The following ANXA6 variants were observed in gnomAD, a reference collection of about 807,000 sequenced individuals.
ANXA6 encodes annexin A6.
Under a neutral mutation model 95.4 loss-of-function variants are expected in ANXA6, and 71 were observed. The ratio of observed to expected loss-of-function variants is 0.74; its 90% CI spans 0.61 to 0.91. The LOEUF (loss-of-function observed/expected upper bound fraction) is 0.91. Among genes scored for constraint, ANXA6 ranks in the 40% least tolerant of loss-of-function variants. ANXA6 has a pLI of 0.00. For synonymous variants in ANXA6, 289 were observed against 315.9 expected (o/e 0.91, Z 0.90); for missense variants, 830 against 876.4 (o/e 0.95, Z 0.67).
At chr5:151,103,265 G>A (rs1764598432) in intron 25 of ANXA6, among the ~76,000 whole-genome samples, 2 of 152,188 alleles carry the variant, frequency 1.3e-5, no homozygotes, top group South Asian at 2.1e-4. Context: ...CCAACGTGCT[G>A]TGATTACAGG....
At chr5:151,103,467 G>T in intron 25 of ANXA6, 103 bp downstream of exon 25, 1 of 1,174,220 alleles carries the variant, frequency 8.5e-7, no homozygotes. Context: ...TGTTCTAAGC[G>T]GTAACCCACT....
chr5:151,131,141 G>A lies in ANXA6; in HGVS notation c.795+90C>T, dbSNP rs1765499317. On this transcript the variant is annotated intron_variant, in intron 11 of 25. Transcript: ENST00000354546. The stretch of plus-strand genomic sequence containing the variant: ...TCAGTCCTGTGGCCATCCCTGAAGG[G>A]CTCTCTTTGGCCACTGGATCCCAAG... 7 of 1,381,404 alleles carry A rather than the reference G, an allele frequency of 5.1e-6. No homozygotes were observed. In the East Asian group the frequency reaches 1.2e-4, roughly 23 times the overall value. 85.6% of individuals were successfully genotyped at this position (1,381,404 alleles called of 1,614,324 possible).
Position 151,105,137 on chromosome 5 carries a change from G to C in ANXA6, c.1839+108C>G, listed in dbSNP as rs1764660882. On this transcript the variant is annotated intron_variant, in intron 24 of 25. Coordinates refer to ENST00000354546, the MANE Select transcript of ANXA6 (RefSeq NM_001155.5). ...GATGCTAATAAATGTCAAATGGGAAGAAACAGCTGCCAGGAATCCTGATCT... is the reference window on the plus strand; with the variant it reads ...GATGCTAATAAATGTCAAATGGGAACAAACAGCTGCCAGGAATCCTGATCT... The C allele has an allele frequency of 2.3e-5, 25 of 1,093,682 alleles. No homozygotes were observed. The South Asian group carries it at 2.9e-4, about 13-fold the overall frequency. 67.7% of individuals were successfully genotyped at this position (1,093,682 alleles called of 1,614,324 possible). A position where few individuals can be genotyped will look rare whatever the true frequency, so the allele number is the denominator to read the frequency against.
At chr5:151,145,738 C>A (rs1442698416) in intron 2 of ANXA6, among the ~76,000 whole-genome samples, 1 of 152,146 alleles carries the variant, frequency 6.6e-6, no homozygotes, top group African/African-American at 2.4e-5. Flanking sequence ...GGCAGGGAGG[C>A]TTTTTTCACA....
chr5:151,102,139 T>C (rs541873598), intron 25 of ANXA6, among the ~76,000 whole-genome samples: 37 of 152,290 alleles, frequency 2.4e-4, no homozygotes, highest in Admixed American at 2.0e-3. Context: ...TCCTGACCCA[T>C]GGTATGGTAT....
chr5:151,139,320 G>C lies in ANXA6; in HGVS notation c.204+33C>G, dbSNP rs188920403. 99 of 1,463,884 alleles carry C rather than the reference G, an allele frequency of 6.8e-5. 1 individual carries two copies. In the South Asian group the frequency reaches 1.1e-3, roughly 17 times the overall value. The allele number at this position is 1,463,884 out of a possible 1,614,324, so 90.7% of individuals were successfully genotyped here. A position where few individuals can be genotyped will look rare whatever the true frequency, so the allele number is the denominator to read the frequency against. On this transcript the variant is annotated intron_variant, in intron 4 of 25. Transcript: ENST00000354546. Reference sequence around the variant, plus strand: ...GGTGAATGAAATCATTCTTCCACCCGCACCCCATGGGCCCTCCGGTTGCTG... The same window carrying C: ...GGTGAATGAAATCATTCTTCCACCCCCACCCCATGGGCCCTCCGGTTGCTG...
intron 11 of ANXA6, 104 bp from the exon 12 acceptor site, chr5:151,129,633 A>G (rs1765436221): frequency 7.4e-7 from 1 of 1,355,290 alleles, no homozygotes; most frequent in Non-Finnish European, 1.0e-6. Flanking sequence ...AAAAGTTAAA[A>G]TTTAGAGCAA....
At chr5:151,117,980 G>T (rs1413711994) in intron 18 of ANXA6, 143 bp from the exon 19 acceptor site, 3 of 647,080 alleles carry the variant, frequency 4.6e-6, no homozygotes, top group African/African-American at 3.6e-5. Flanking sequence ...CTGGCTCATG[G>T]GGGCATCCAG....
chr5:151,117,813 G>A lies in ANXA6; in HGVS notation c.1463C>T (p.Ala488Val). The A allele has an allele frequency of 2.5e-6, 4 of 1,613,782 alleles. No individual in the cohort carries two copies. Among genetic ancestry groups the A allele is most frequent in the Non-Finnish European group, 3.4e-6 (4 of 1,179,722 alleles). ...GTGGCCAGATGTGTCTGAGCTCAGA[G>A]CATCCTCCAGGGACTTGTGATAGTC... ...KEDYHKSLEDALSSDTSGHFR... is the reference protein window; with the variant it reads ...KEDYHKSLEDVLSSDTSGHFR... Residue 488 changes from alanine to valine, a missense_variant, in exon 19 of 26, where the codon GCT (alanine) becomes GTT (valine). By Grantham distance (64) the Ala-to-Val change is moderately conservative. Transcript: ENST00000354546.
At chr5:151,137,464 C>G (rs9324679) in intron 5 of ANXA6, 143 bp from the exon 6 acceptor site, 388,423 of 541,344 alleles carry the variant, frequency 0.72, 141,401 homozygotes, top group East Asian at 0.88. Flanking sequence ...ATTGGGAACT[C>G]CTGCCTTGAG....
chr5:151,145,029 C>A (rs756934280), intron 2 of ANXA6, among the ~76,000 whole-genome samples: 6 of 152,224 alleles, frequency 3.9e-5, no homozygotes, highest in Non-Finnish European at 7.3e-5. Context: ...TCACCCACCC[C>A]ACCCTGACTG....
At chr5:151,121,167 A>C (rs566280847) in intron 17 of ANXA6, among the ~76,000 whole-genome samples, 42 of 152,298 alleles carry the variant, frequency 2.8e-4, no homozygotes, top group African/African-American at 7.7e-4. Context: ...CAAAAGCACT[A>C]CTGGTTTTAT....
At chr5:151,124,632 G>A (rs1765265426) in intron 14 of ANXA6, among the ~76,000 whole-genome samples, 1 of 152,244 alleles carries the variant, frequency 6.6e-6, no homozygotes. Flanking sequence ...TCCTGATCAA[G>A]AGAAATTGGC....
At chr5:151,124,530 G>A (rs534036573) in intron 14 of ANXA6, among the ~76,000 whole-genome samples, 163 bp from the exon 15 acceptor site, 21 of 146,878 alleles carry the variant, frequency 1.4e-4, no homozygotes, top group Middle Eastern at 3.4e-3. Context: ...GACCCTGCAC[G>A]AGAGCTGAGA....
intron 25 of ANXA6, among the ~76,000 whole-genome samples, chr5:151,103,074 G>A (rs1305559775): frequency 6.6e-6 from 1 of 152,126 alleles, no homozygotes; most frequent in African/African-American, 2.4e-5. Context: ...TCAGCTCACT[G>A]CAACCTCTAC....
intron 2 of ANXA6, among the ~76,000 whole-genome samples, chr5:151,141,032 C>G (rs1383215339): frequency 6.6e-6 from 1 of 152,224 alleles, no homozygotes; most frequent in Non-Finnish European, 1.5e-5. Context: ...GCCCAGTAAA[C>G]TGCGCTGTGA....
At position 151,105,199 on chromosome 5, in the gene ANXA6, G is replaced by A. The variant is rs1364074584; in HGVS notation, c.1839+46C>T. On this transcript the variant is annotated intron_variant, in intron 24 of 25. Transcript: ENST00000354546. Reference sequence around the variant, plus strand: ...CACATCTGTGTGTTTGTGTGTGTATGTAAGTCAGTGCTTGAAGGGAAAGGA... The same window carrying A: ...CACATCTGTGTGTTTGTGTGTGTATATAAGTCAGTGCTTGAAGGGAAAGGA... 3.9e-6 allele frequency: 6 copies of A among 1,550,612 alleles called. No homozygotes were observed. In the South Asian group the frequency reaches 6.7e-5, roughly 17 times the overall value.
chr5:151,130,546 C>T (rs1045226150), intron 11 of ANXA6, among the ~76,000 whole-genome samples: 11 of 152,372 alleles, frequency 7.2e-5, no homozygotes, highest in African/African-American at 2.6e-4. Context: ...TGAGCCACTG[C>T]ATGCACTCAG....
chr5:151,105,580 C>T (rs550847371), intron 23 of ANXA6, among the ~76,000 whole-genome samples: 1 of 152,274 alleles, frequency 6.6e-6, no homozygotes, highest in South Asian at 2.1e-4. Context: ...AGGTAATTAA[C>T]TCCTCATGAA....
Sources: gnomAD v4.1 joint callset for allele counts (sites outside exome capture counted in the v4.1 genomes callset) on GRCh38, gnomAD v4.1.1 for gene constraint, MANE v1.5 for transcripts, NCBI Gene and HGNC (gene_info 2026-07-23, HGNC 2026-07-21) for gene names.